Variants in PARD3 observed in about 807,000 individuals in gnomAD.
PARD3 encodes the protein par-3 family cell polarity regulator.
Under a neutral mutation model 155.4 loss-of-function variants are expected in PARD3, and 75 were observed. The observed-to-expected ratio is 0.48, with a 90% confidence interval of 0.40 to 0.58. The LOEUF (loss-of-function observed/expected upper bound fraction) is 0.58, where lower values mean the gene tolerates loss of function less well. Ranked by LOEUF, PARD3 falls within the 20% of genes least tolerant of loss-of-function variation. The pLI is 0.00. For synonymous variants in PARD3, 576 were observed against 610.5 expected, an observed-to-expected ratio of 0.94 and a Z score of 0.83; for missense variants, 1,642 against 1,721.7, an observed-to-expected ratio of 0.95 and a Z score of 0.82.
intron 1 of PARD3, among the ~76,000 whole-genome samples, chr10:34,716,585 C>CTTTTTT (rs34751073): frequency 7.1e-4 from 52 of 73,248 alleles, no homozygotes; most frequent in South Asian, 7.8e-4. Context: ...GATGGCTTTT[C>CTTTTTT]TTTTTTTTTT....
chr10:34,790,418 A>G (rs1440193898), intron 1 of PARD3, among the ~76,000 whole-genome samples: 2 of 152,200 alleles, frequency 1.3e-5, no homozygotes, highest in African/African-American at 4.8e-5. Flanking sequence ...AGAGTAACTG[A>G]AAGTGACAGA....
At chr10:34,675,213 T>C (rs1210439431) in intron 2 of PARD3, among the ~76,000 whole-genome samples, 1 of 152,228 alleles carries the variant, frequency 6.6e-6, no homozygotes, top group African/African-American at 2.4e-5. Context: ...TGTAAAATCA[T>C]CTAACTTTCT....
chr10:34,565,676 C>T (rs1358548114), intron 2 of PARD3, among the ~76,000 whole-genome samples: 2 of 152,096 alleles, frequency 1.3e-5, no homozygotes, highest in African/African-American at 4.8e-5. Context: ...GTGTGCCTCA[C>T]ACCATGGCTT....
intron 4 of PARD3, among the ~76,000 whole-genome samples, chr10:34,458,608 C>T (rs1253956529): frequency 6.6e-6 from 1 of 152,176 alleles, no homozygotes; most frequent in Non-Finnish European, 1.5e-5. Flanking sequence ...GAGAGAGATC[C>T]TCTCTCAAAA....
At chr10:34,497,058 T>C (rs1219781756) in intron 3 of PARD3, among the ~76,000 whole-genome samples, 1 of 152,188 alleles carries the variant, frequency 6.6e-6, no homozygotes, top group Non-Finnish European at 1.5e-5. Context: ...TTGAGCTGTA[T>C]GTTTAAAATT....
At chr10:34,695,487 A>AAG (rs1037621216) in intron 2 of PARD3, among the ~76,000 whole-genome samples, 1 of 151,514 alleles carries the variant, frequency 6.6e-6, no homozygotes, top group African/African-American at 2.4e-5. Flanking sequence ...CAAAAAAAAA[A>AAG]AAAAAAAAGA....
intron 22 of PARD3, among the ~76,000 whole-genome samples, chr10:34,202,692 T>C (rs954571105): frequency 6.6e-6 from 1 of 152,234 alleles, no homozygotes; most frequent in African/African-American, 2.4e-5. Flanking sequence ...ATTTCTTATA[T>C]GCATCAATAT....
chr10:34,567,252 G>A (rs906383481), intron 2 of PARD3, among the ~76,000 whole-genome samples: 20 of 152,132 alleles, frequency 1.3e-4, no homozygotes, highest in African/African-American at 3.4e-4. Flanking sequence ...TGTATTATGC[G>A]ATGGACTGAT....
chr10:34,593,456 T>A (rs2088919640), intron 2 of PARD3, among the ~76,000 whole-genome samples: 1 of 152,190 alleles, frequency 6.6e-6, no homozygotes, highest in Admixed American at 6.5e-5. Flanking sequence ...ATAATACATA[T>A]TTTTATGATA....
chr10:34,787,023 T>G (rs1201942401), intron 1 of PARD3, among the ~76,000 whole-genome samples: 3 of 152,168 alleles, frequency 2.0e-5, no homozygotes, highest in Non-Finnish European at 4.4e-5. Context: ...CTGCTAGATC[T>G]TTTACATCTT....
At chr10:34,799,664 A>G (rs12269701) in intron 1 of PARD3, among the ~76,000 whole-genome samples, 3,287 of 152,262 alleles carry the variant, frequency 0.022, 121 homozygotes, top group African/African-American at 0.076. Context: ...ATAGCAACTC[A>G]CTGTGCAGGC....
At chr10:34,569,507 T>G (rs1200525593) in intron 2 of PARD3, among the ~76,000 whole-genome samples, 1 of 152,058 alleles carries the variant, frequency 6.6e-6, no homozygotes, top group Non-Finnish European at 1.5e-5. Context: ...AAGCTCTGCC[T>G]CCCGGGTTCA....
intron 21 of PARD3, among the ~76,000 whole-genome samples, chr10:34,281,016 A>T (rs1319750064): frequency 6.6e-6 from 1 of 152,204 alleles, no homozygotes; most frequent in Non-Finnish European, 1.5e-5. Flanking sequence ...ATATACTACC[A>T]TTTAAAAATA....
chr10:34,701,838 C>T (rs886514865), intron 1 of PARD3, among the ~76,000 whole-genome samples: 3 of 152,076 alleles, frequency 2.0e-5, no homozygotes, highest in African/African-American at 7.2e-5. Context: ...GGGTTCGAGG[C>T]TACAGTGAGC....
chr10:34,165,515 A>G (rs955673878), intron 22 of PARD3, among the ~76,000 whole-genome samples: 1 of 152,166 alleles, frequency 6.6e-6, no homozygotes, highest in African/African-American at 2.4e-5. Context: ...CTCGTGCCCC[A>G]AGAGGAAAAA....
At chr10:34,238,740 T>C (rs566262723) in intron 22 of PARD3, among the ~76,000 whole-genome samples, 43 of 152,280 alleles carry the variant, frequency 2.8e-4, no homozygotes, top group African/African-American at 1.0e-3. Flanking sequence ...AAGGAATACG[T>C]CTCTCTTCTA....
chr10:34,144,495 A>G (rs1460158735), intron 22 of PARD3, among the ~76,000 whole-genome samples: 1 of 152,232 alleles, frequency 6.6e-6, no homozygotes, highest in East Asian at 1.9e-4. Context: ...TGCCATGCTC[A>G]ATATTATTAA....
At position 34,382,888 on chromosome 10, in the gene PARD3, G is replaced by C; in HGVS notation, c.1051C>G (p.Pro351Ala). 1 of 1,614,156 alleles carries C rather than the reference G, an allele frequency of 6.2e-7. No individual in the cohort carries two copies. The highest frequency in any genetic ancestry group is 1.6e-4 in the Middle Eastern group (1 of 6,062). ...GGAACCACATGGAACCAAATGATGG[G>C]TGTACGCATGGCTTGGCGAAACATA... ...QHMFRQAMRT[P>A]IIWFHVVPAA... The change falls in exon 9 of 25, where the codon CCC (proline) becomes GCC (alanine). Residue 351 changes from proline (P) to alanine (A), a missense_variant. Around this residue, in one of 3 missense-constraint regions of PARD3, gnomAD observed 1,529 missense variants for 1,587.3 expected, o/e 0.96. Coordinates refer to ENST00000374788, the MANE Select transcript of PARD3 (RefSeq NM_001184785.2).
intron 3 of PARD3, among the ~76,000 whole-genome samples, chr10:34,487,049 T>G (rs1294094515): frequency 6.6e-6 from 1 of 151,946 alleles, no homozygotes; most frequent in Non-Finnish European, 1.5e-5. Context: ...ACTCAGAATT[T>G]TCGGTCTGCT....
Sources: gnomAD v4.1 joint callset for allele counts (sites outside exome capture counted in the v4.1 genomes callset) on GRCh38, gnomAD v4.1.1 for gene constraint, gnomAD v4.1.1 regional missense constraint, MANE v1.5 for transcripts, NCBI Gene and HGNC (gene_info 2026-07-23, HGNC 2026-07-21) for gene names.